NTRK2: variants seen among roughly 807,000 people sequenced by gnomAD.
The protein encoded by NTRK2 is BDNF/NT-3 growth factors receptor.
NTRK2 carries 13 observed loss-of-function variants against 94.5 expected under a neutral mutation model. The observed-to-expected ratio is 0.14, with a 90% CI of 0.09 to 0.22. The LOEUF is 0.22. Among genes scored for constraint, NTRK2 ranks in the 10% least tolerant of loss-of-function variants. The probability of loss-of-function intolerance (pLI) is 1.00; values close to 1 mark genes in which losing one functional copy is unlikely to be tolerated. For synonymous variants in NTRK2, 372 were observed against 407.4 expected, an observed-to-expected ratio of 0.91 and a Z score of 1.05; for missense variants, 639 against 1,071.2, an observed-to-expected ratio of 0.60 and a Z score of 5.63.
intron 12 of NTRK2, among the ~76,000 whole-genome samples, chr9:84,802,864 G>T (rs750582628): frequency 6.6e-6 from 1 of 152,156 alleles, no homozygotes; most frequent in African/African-American, 2.4e-5. Flanking sequence ...CTTTAGGAGC[G>T]TGGATTCTGT....
chr9:84,983,730 G>A (rs1169819309), intron 17 of NTRK2, among the ~76,000 whole-genome samples: 1 of 152,110 alleles, frequency 6.6e-6, no homozygotes, highest in East Asian at 1.9e-4. Flanking sequence ...CATCCCTACT[G>A]CCCCTCCGCC....
intron 11 of NTRK2, 130 bp from the exon 12 acceptor site, chr9:84,751,856 T>C: frequency 1.3e-6 from 1 of 752,540 alleles, no homozygotes; most frequent in Non-Finnish European, 2.4e-6. Context: ...AAGGCTGTTA[T>C]AAGAACAAGT....
intron 12 of NTRK2, chr9:84,814,370 A>C (rs937415394): frequency 1.1e-5 from 12 of 1,065,648 alleles, no homozygotes; most frequent in Non-Finnish European, 1.4e-5. Flanking sequence ...GGTGCGAGAG[A>C]GAGCATAATG....
intron 12 of NTRK2, among the ~76,000 whole-genome samples, chr9:84,841,589 C>T (rs1236049140): frequency 6.6e-6 from 1 of 152,174 alleles, no homozygotes; most frequent in Admixed American, 6.5e-5. Flanking sequence ...ATGTTTTTCT[C>T]CTCTCCTTCA....
intron 4 of NTRK2, among the ~76,000 whole-genome samples, chr9:84,704,477 C>T (rs970970050): frequency 2.0e-5 from 3 of 152,086 alleles, no homozygotes; most frequent in South Asian, 2.1e-4. Flanking sequence ...CTGCCCACCT[C>T]GGCCTCCCAA....
At chr9:84,804,228 A>C (rs1163784845) in intron 12 of NTRK2, among the ~76,000 whole-genome samples, 1 of 152,046 alleles carries the variant, frequency 6.6e-6, no homozygotes, top group African/African-American at 2.4e-5. Flanking sequence ...AATTGTGTTC[A>C]GTCTCTGAAC....
intron 9 of NTRK2, among the ~76,000 whole-genome samples, chr9:84,740,154 G>A (rs886177844): frequency 6.6e-6 from 1 of 152,188 alleles, no homozygotes; most frequent in Non-Finnish European, 1.5e-5. Flanking sequence ...TTCCCATGGT[G>A]AGGGGGACTC....
intron 14 of NTRK2, among the ~76,000 whole-genome samples, chr9:84,910,973 A>C (rs2077220149): frequency 6.6e-6 from 1 of 152,210 alleles, no homozygotes; most frequent in Non-Finnish European, 1.5e-5. Context: ...GTAAACCTGT[A>C]AGTCAGTTTG....
intron 17 of NTRK2, among the ~76,000 whole-genome samples, chr9:84,956,312 A>T (rs1476218717): frequency 1.3e-5 from 2 of 152,152 alleles, no homozygotes; most frequent in Non-Finnish European, 2.9e-5. Flanking sequence ...CACTGAAATC[A>T]CTGAGAGGCA....
intron 2 of NTRK2, among the ~76,000 whole-genome samples, chr9:84,680,556 C>T (rs191342904): frequency 6.6e-6 from 1 of 152,312 alleles, no homozygotes; most frequent in East Asian, 1.9e-4. Context: ...TTTTCCCTCT[C>T]TCACATACCT....
chr9:84,945,344 A>G (rs1467500495), intron 15 of NTRK2, among the ~76,000 whole-genome samples: 1 of 152,188 alleles, frequency 6.6e-6, no homozygotes, highest in Non-Finnish European at 1.5e-5. Context: ...AAGGGTGAAC[A>G]GGACACACTT....
intron 2 of NTRK2, among the ~76,000 whole-genome samples, chr9:84,672,772 C>G (rs7040075): frequency 1.4e-3 from 217 of 152,306 alleles, no homozygotes; most frequent in African/African-American, 5.1e-3. Flanking sequence ...TTCAGACCTT[C>G]CTGATCTTAG....
At chr9:84,976,889 G>T (rs1266260840) in intron 17 of NTRK2, among the ~76,000 whole-genome samples, 1 of 152,172 alleles carries the variant, frequency 6.6e-6, no homozygotes, top group East Asian at 1.9e-4. Flanking sequence ...CCATATGATT[G>T]AATATTTACT....
At chr9:84,990,014 G>A (rs142542122) in intron 17 of NTRK2, among the ~76,000 whole-genome samples, 1 of 151,836 alleles carries the variant, frequency 6.6e-6, no homozygotes, top group African/African-American at 2.4e-5. Context: ...TTTGCTGGGG[G>A]TTTTTTGCCT....
At chr9:84,726,267 A>G (rs955075507) in intron 8 of NTRK2, among the ~76,000 whole-genome samples, 2 of 152,204 alleles carry the variant, frequency 1.3e-5, no homozygotes, top group Non-Finnish European at 2.9e-5. Flanking sequence ...CGGGTGGATC[A>G]CTTGAGATCA....
chr9:84,908,026 G>A (rs960606980), intron 14 of NTRK2, among the ~76,000 whole-genome samples: 7 of 152,184 alleles, frequency 4.6e-5, no homozygotes, highest in Admixed American at 2.6e-4. Flanking sequence ...CAAGGAGCAA[G>A]TGTCTTTTTA....
chr9:84,670,544 G>A lies in NTRK2; in HGVS notation c.-205G>A. 1 of 604,608 alleles carries A rather than the reference G, an allele frequency of 1.7e-6. No individual in the cohort carries two copies. Among genetic ancestry groups the A allele is most frequent in the Non-Finnish European group, 2.9e-6 (1 of 340,600 alleles). 37.5% of individuals were successfully genotyped at this position (604,608 alleles called of 1,614,324 possible). A position where few individuals can be genotyped will look rare whatever the true frequency, so the allele number is the denominator to read the frequency against. On this transcript the variant is annotated 5_prime_UTR_variant, in exon 2 of 19. Transcript: ENST00000277120. ...CCCCTGTAAAGCGGTTCGCTATGCC[G>A]GGGCCACTGTGAACCCTGCCGCCTG...
intron 12 of NTRK2, among the ~76,000 whole-genome samples, chr9:84,842,418 C>G (rs929429176): frequency 6.6e-6 from 1 of 152,200 alleles, no homozygotes; most frequent in Non-Finnish European, 1.5e-5. Context: ...GATAGCTCAA[C>G]AGCCAGCTCT....
chr9:84,843,555 T>G (rs986746796), intron 12 of NTRK2, among the ~76,000 whole-genome samples: 2 of 152,178 alleles, frequency 1.3e-5, no homozygotes, highest in African/African-American at 4.8e-5. Context: ...CCTGGAGATT[T>G]TTGAGGGCAG....
Sources: gnomAD v4.1 joint callset for allele counts (sites outside exome capture counted in the v4.1 genomes callset) on GRCh38, gnomAD v4.1.1 for gene constraint, MANE v1.5 for transcripts, NCBI Gene and HGNC (gene_info 2026-07-23, HGNC 2026-07-21) for gene names.